The following KALRN variants were observed in gnomAD, a reference collection of about 807,000 sequenced individuals.
KALRN encodes the protein kalirin.
A neutral mutation model predicts 353.7 loss-of-function variants in KALRN; 70 were observed. That is an observed-to-expected ratio of 0.20 (90% CI 0.16 to 0.24). The LOEUF (loss-of-function observed/expected upper bound fraction) is 0.24. KALRN is among the 10% of genes least tolerant of loss of function. KALRN has a pLI of 1.00. For synonymous variants in KALRN, 1,391 were observed against 1,434.8 expected (o/e 0.97, Z 0.69); for missense variants, 2,791 against 3,756.7 (o/e 0.74, Z 6.72).
At chr3:124,690,761 G>T (rs1463857343) in intron 51 of KALRN, among the ~76,000 whole-genome samples, 1 of 152,168 alleles carries the variant, frequency 6.6e-6, no homozygotes, top group East Asian at 1.9e-4. Context: ...GCACATGAAG[G>T]AGTTTGTGAG....
At chr3:124,323,446 C>A (rs993790278) in intron 6 of KALRN, among the ~76,000 whole-genome samples, 12 of 152,168 alleles carry the variant, frequency 7.9e-5, no homozygotes, top group African/African-American at 2.9e-4. Context: ...CCTCTTTGAT[C>A]TCCTACAGCC....
chr3:124,695,925 T>C (rs1251039831), intron 53 of KALRN, among the ~76,000 whole-genome samples: 1 of 152,160 alleles, frequency 6.6e-6, no homozygotes, highest in Non-Finnish European at 1.5e-5. Context: ...ACAACAAACT[T>C]GAGAGATGGG....
At chr3:124,317,021 A>T (rs2078877002) in intron 6 of KALRN, among the ~76,000 whole-genome samples, 2 of 152,204 alleles carry the variant, frequency 1.3e-5, no homozygotes, top group Admixed American at 1.3e-4. Context: ...TATTGCTCCA[A>T]GGCAGGAGGG....
chr3:124,582,645 C>T (rs2074739428), intron 34 of KALRN, among the ~76,000 whole-genome samples: 1 of 152,102 alleles, frequency 6.6e-6, no homozygotes, highest in South Asian at 2.1e-4. Context: ...ATATGGAGAA[C>T]ATGGAGGAAA....
At chr3:124,586,626 G>C (rs1482161955) in intron 34 of KALRN, among the ~76,000 whole-genome samples, 1 of 152,222 alleles carries the variant, frequency 6.6e-6, no homozygotes, top group East Asian at 1.9e-4. Context: ...GAGGAGGCGT[G>C]CGAGTGGCTA....
At chr3:124,418,759 A>G (rs1449960510) in intron 14 of KALRN, among the ~76,000 whole-genome samples, 1 of 152,220 alleles carries the variant, frequency 6.6e-6, no homozygotes, top group Non-Finnish European at 1.5e-5. Flanking sequence ...AGTGCAGAGC[A>G]TTCTGCTGAG....
intron 27 of KALRN, among the ~76,000 whole-genome samples, chr3:124,479,910 A>G (rs1445138830): frequency 1.3e-5 from 2 of 152,050 alleles, no homozygotes; most frequent in Middle Eastern, 3.4e-3. Flanking sequence ...TTTCTAGTAG[A>G]GACAGGGTTT....
At chr3:124,537,838 GAGA>G (rs977189502) in intron 33 of KALRN, among the ~76,000 whole-genome samples, 1 of 152,190 alleles carries the variant, frequency 6.6e-6, no homozygotes, top group South Asian at 2.1e-4. Flanking sequence ...AGAGGAATAG[GAGA>G]AGAAGGAAGA....
intron 34 of KALRN, among the ~76,000 whole-genome samples, chr3:124,571,410 C>G (rs1358656706): frequency 6.6e-6 from 1 of 152,234 alleles, no homozygotes; most frequent in Non-Finnish European, 1.5e-5. Context: ...CTCACAGACA[C>G]CTGATCTGTT....
chr3:124,278,709 T>C (rs897013863), intron 5 of KALRN, among the ~76,000 whole-genome samples: 1 of 152,218 alleles, frequency 6.6e-6, no homozygotes, highest in African/African-American at 2.4e-5. Flanking sequence ...AATTTGGGAA[T>C]GCCCCATCAC....
chr3:124,151,998 T>G (rs1425003566), intron 1 of KALRN: 1 of 1,474,110 alleles, frequency 6.8e-7, no homozygotes, highest in Non-Finnish European at 9.3e-7. Flanking sequence ...TGGTCCTCCC[T>G]GTTGCCAGCA....
chr3:124,690,453 C>T (rs1463966409), intron 51 of KALRN, among the ~76,000 whole-genome samples: 2 of 152,144 alleles, frequency 1.3e-5, no homozygotes, highest in African/African-American at 4.8e-5. Flanking sequence ...TGCCCAGGCT[C>T]TTGGTCCTTG....
chr3:124,396,457 A>G (rs1297779528), intron 12 of KALRN, among the ~76,000 whole-genome samples: 1 of 152,210 alleles, frequency 6.6e-6, no homozygotes, highest in Admixed American at 6.5e-5. Flanking sequence ...TATATAATAC[A>G]TGACAGCTTT....
rs2063413445 is a variant in KALRN at position 124,725,918 on chromosome 3, C to T, written c.*6448C>T. On this transcript the variant is annotated 3_prime_UTR_variant, in exon 60 of 60. Transcript: ENST00000682506. Reference sequence around the variant, plus strand: ...AGGTTTCCCCATAGGGACCATCGCACATATACATATAAGTACATACTTCCA... The same window carrying T: ...AGGTTTCCCCATAGGGACCATCGCATATATACATATAAGTACATACTTCCA... 1 of 152,152 alleles carries T rather than the reference C, an allele frequency of 6.6e-6. No homozygotes were observed. The allele number at this position is 152,152 out of a possible 1,614,324, so 9.4% of individuals were successfully genotyped here.
chr3:124,236,533 A>G (rs1006285774), intron 3 of KALRN, among the ~76,000 whole-genome samples: 13 of 152,328 alleles, frequency 8.5e-5, no homozygotes, highest in African/African-American at 2.6e-4. Context: ...TCTTAAAGAC[A>G]GAAGAAATTG....
At chr3:124,330,250 A>T (rs199585148) in intron 8 of KALRN, among the ~76,000 whole-genome samples, 8,647 of 80,622 alleles carry the variant, frequency 0.11, 305 homozygotes, top group African/African-American at 0.23. Context: ...TCTCTCTCAC[A>T]CACACACACA....
At chr3:124,481,243 T>G (rs2061956444) in intron 27 of KALRN, among the ~76,000 whole-genome samples, 1 of 152,226 alleles carries the variant, frequency 6.6e-6, no homozygotes, top group Non-Finnish European at 1.5e-5. Flanking sequence ...GGTCTCTCTC[T>G]GTCATCCAGG....
chr3:124,042,015 A>G (rs1487377475), intron 1 of KALRN, among the ~76,000 whole-genome samples: 2 of 152,220 alleles, frequency 1.3e-5, no homozygotes, highest in African/African-American at 4.8e-5. Flanking sequence ...AGATAAACAA[A>G]TTTAAGAGTG....
At chr3:124,408,360 T>C (rs1459044224) in intron 13 of KALRN, among the ~76,000 whole-genome samples, 2 of 152,140 alleles carry the variant, frequency 1.3e-5, no homozygotes, top group African/African-American at 4.8e-5. Context: ...TCCCCCAAAA[T>C]CAATTCTTGG....
Sources: allele counts gnomAD v4.1 joint callset (sites outside exome capture counted in the v4.1 genomes callset), GRCh38; gene constraint gnomAD v4.1.1; transcripts MANE v1.5; gene names NCBI Gene and HGNC (gene_info 2026-07-23, HGNC 2026-07-21).